The following RIC8B variants were observed in gnomAD, a reference collection of about 807,000 sequenced individuals.
The protein encoded by RIC8B is RIC8 guanine nucleotide exchange factor B.
RIC8B carries 16 observed loss-of-function variants against 57.5 expected under a neutral mutation model. That is an observed-to-expected ratio of 0.28 (90% confidence interval 0.19 to 0.42). RIC8B has a LOEUF of 0.42. RIC8B is among the 10% of genes least tolerant of loss of function. The pLI is 1.00. For missense variants in RIC8B, 481 were observed against 677.0 expected, an observed-to-expected ratio of 0.71 and a Z score of 3.21; for synonymous variants, 216 against 250.8, an observed-to-expected ratio of 0.86 and a Z score of 1.31.
At chr12:106,883,301 G>C (rs749817833) in intron 9 of RIC8B, among the ~76,000 whole-genome samples, 2 of 152,060 alleles carry the variant, frequency 1.3e-5, no homozygotes, top group Non-Finnish European at 2.9e-5. Flanking sequence ...AATATGTAGT[G>C]TCCAACATCA....
intron 3 of RIC8B, among the ~76,000 whole-genome samples, chr12:106,821,173 A>G (rs2045824373): frequency 6.6e-6 from 1 of 152,226 alleles, no homozygotes; most frequent in African/African-American, 2.4e-5. Flanking sequence ...GAGGACAGTG[A>G]AGATCAGAGA....
chr12:106,870,838 T>C lies in RIC8B; in HGVS notation c.1467T>C (p.Thr489=). The C allele has an allele frequency of 6.6e-7, 1 of 1,525,632 alleles. No individual in the cohort carries two copies. The highest frequency in any genetic ancestry group is 1.4e-5 in the African/African-American group (1 of 72,118). The allele number at this position is 1,525,632 out of a possible 1,614,324, so 94.5% of individuals were successfully genotyped here. ...KNAKPNINLI[T]GHLEEPMPNP... ...CTTTTTGTAGCATTAATCTTATCAC[T>C]GGTCATTTAGAGGAACCAATGCCAA... Residue 489 remains threonine (T), a synonymous_variant, in exon 9 of 10, where the codon ACT becomes ACC. Coordinates refer to ENST00000392837, the MANE Select transcript of RIC8B (RefSeq NM_001330145.2).
intron 6 of RIC8B, 86 bp downstream of exon 6, chr12:106,844,033 A>G: frequency 8.3e-6 from 8 of 962,038 alleles, no homozygotes; most frequent in Non-Finnish European, 1.3e-5. Context: ...TCTCACAATG[A>G]TTTTGTTTCA....
chr12:106,831,598 A>C, intron 4 of RIC8B, among the ~76,000 whole-genome samples: 1 of 152,234 alleles, frequency 6.6e-6, no homozygotes, highest in African/African-American at 2.4e-5. Flanking sequence ...AAGCCTTCAA[A>C]TACATCTTAG....
chr12:106,855,436 C>CT (rs11420390), intron 7 of RIC8B, among the ~76,000 whole-genome samples: 146,503 of 152,260 alleles, frequency 0.96, 70,554 homozygotes, highest in East Asian at 1. Flanking sequence ...TCTTGAAAAA[C>CT]TAGTCCTCAA....
At chr12:106,860,504 C>T (rs1024191632) in intron 8 of RIC8B, 92 bp downstream of exon 8, 1 of 1,049,668 alleles carries the variant, frequency 9.5e-7, no homozygotes, top group Non-Finnish European at 1.3e-6. Context: ...TTTCTTTTCT[C>T]TTGTGGATTT....
At chr12:106,777,961 TACTTA>T (rs901926004) in intron 1 of RIC8B, among the ~76,000 whole-genome samples, 4 of 152,140 alleles carry the variant, frequency 2.6e-5, no homozygotes, top group African/African-American at 9.7e-5. Flanking sequence ...CTAAACGAGT[TACTTA>T]ACTTTGCTGT....
chr12:106,799,582 G>A (rs949908701), intron 2 of RIC8B, among the ~76,000 whole-genome samples: 3 of 152,112 alleles, frequency 2.0e-5, no homozygotes, highest in Non-Finnish European at 4.4e-5. Flanking sequence ...TCATAATAGG[G>A]TCTTTCATAT....
rs1951292680 is a variant in RIC8B at position 106,888,895 on chromosome 12, C to G, written c.*2880C>G. The G allele has an allele frequency of 6.6e-6, 1 of 152,054 alleles. No individual in the cohort carries two copies. The highest frequency in any genetic ancestry group is 2.1e-4 in the South Asian group (1 of 4,812). The allele number at this position is 152,054 out of a possible 1,614,324, so 9.4% of individuals were successfully genotyped here. ...CAGATATTGTGACCCTTTCAGATGC[C>G]CAGTAGTCCTGGGAGGCAGGCAGGG... On this transcript the variant is annotated 3_prime_UTR_variant, in exon 10 of 10. Coordinates refer to ENST00000392837, the MANE Select transcript of RIC8B (RefSeq NM_001330145.2).
At chr12:106,802,240 T>C (rs2044764898) in intron 2 of RIC8B, among the ~76,000 whole-genome samples, 2 of 152,226 alleles carry the variant, frequency 1.3e-5, no homozygotes, top group South Asian at 2.1e-4. Context: ...TTTAGTAAAA[T>C]AGTGGTTAAA....
chr12:106,829,496 G>T (rs1333733345), intron 4 of RIC8B, among the ~76,000 whole-genome samples: 1 of 152,046 alleles, frequency 6.6e-6, no homozygotes, highest in Non-Finnish European at 1.5e-5. Context: ...CTGTTTCTTT[G>T]TTTAGACTAA....
chr12:106,814,259 A>T (rs1028746349), intron 2 of RIC8B, among the ~76,000 whole-genome samples: 2 of 152,286 alleles, frequency 1.3e-5, no homozygotes, highest in African/African-American at 4.8e-5. Flanking sequence ...TCAGTTTGTC[A>T]GCAAAAGTTC....
At chr12:106,826,966 T>C (rs926948335) in intron 4 of RIC8B, among the ~76,000 whole-genome samples, 1 of 151,978 alleles carries the variant, frequency 6.6e-6, no homozygotes, top group Non-Finnish European at 1.5e-5. Flanking sequence ...CCCAGCTACT[T>C]GGGAGGCTGA....
intron 4 of RIC8B, among the ~76,000 whole-genome samples, chr12:106,839,630 T>G (rs1397615001): frequency 6.6e-6 from 1 of 152,194 alleles, no homozygotes; most frequent in African/African-American, 2.4e-5. Context: ...GAGCCTATAG[T>G]TAGCAATACT....
At chr12:106,847,881 TA>T (rs1349561433) in intron 6 of RIC8B, among the ~76,000 whole-genome samples, 6 of 152,220 alleles carry the variant, frequency 3.9e-5, no homozygotes, top group African/African-American at 1.2e-4. Context: ...AAATATTCAT[TA>T]AACACCTGTA....
chr12:106,874,879 G>C (rs1179073707), intron 9 of RIC8B, among the ~76,000 whole-genome samples: 1 of 151,986 alleles, frequency 6.6e-6, no homozygotes, highest in Non-Finnish European at 1.5e-5. Flanking sequence ...AAGGTGATTG[G>C]CAGTGCACCT....
rs775257842 is a variant in RIC8B, at chr12:106,775,301, C to G, written c.84+472C>G. On this transcript the variant is annotated intron_variant, in intron 1 of 9. Transcript: ENST00000392837. ...GGTTTTCAAGGCATTGATGTCTCAT[C>G]TATGGTCTCCTTTGATCCTCAGAGT... 227 of 456,066 alleles carry G rather than the reference C, an allele frequency of 5.0e-4. 3 individuals are homozygous for G. Among genetic ancestry groups the G allele is most frequent in the Admixed American group, 1.4e-3 (58 of 42,546 alleles). The allele number at this position is 456,066 out of a possible 1,614,324, so 28.3% of individuals were successfully genotyped here.
intron 2 of RIC8B, among the ~76,000 whole-genome samples, chr12:106,800,366 A>G (rs2044677788): frequency 1.3e-5 from 2 of 151,972 alleles, no homozygotes; most frequent in African/African-American, 4.8e-5. Flanking sequence ...AGAGAGAGAG[A>G]AGGGGGAGAT....
At chr12:106,825,564 CTA>C (rs1319484197) in intron 3 of RIC8B, among the ~76,000 whole-genome samples, 160 bp from the exon 4 acceptor site, 1 of 152,192 alleles carries the variant, frequency 6.6e-6, no homozygotes, top group African/African-American at 2.4e-5. Context: ...GAGATAGTGA[CTA>C]TTAGTATTGC....
Sources: allele counts gnomAD v4.1 joint callset (sites outside exome capture counted in the v4.1 genomes callset), GRCh38; gene constraint gnomAD v4.1.1; transcripts MANE v1.5; gene names NCBI Gene and HGNC (gene_info 2026-07-23, HGNC 2026-07-21).